Variants in FSTL4 observed in about 807,000 individuals in gnomAD.
FSTL4 encodes the protein follistatin like 4.
A neutral mutation model predicts 78.2 loss-of-function variants in FSTL4; 28 were observed. That is an observed-to-expected ratio of 0.36 (90% CI 0.27 to 0.49). The LOEUF (loss-of-function observed/expected upper bound fraction) is 0.49, where lower values mean the gene tolerates loss of function less well. FSTL4 is among the 20% of genes least tolerant of loss of function. The pLI, the probability that FSTL4 is intolerant of heterozygous loss-of-function variation, is 0.98. For missense variants in FSTL4, 922 were observed against 1,084.9 expected (o/e 0.85, Z 2.11); for synonymous variants, 422 against 440.5 (o/e 0.96, Z 0.53).
chr5:133,803,405 C>T, the FSTL4 span, among the ~76,000 whole-genome samples: 80 of 152,248 alleles, frequency 5.3e-4, 1 homozygote, highest in Middle Eastern at 3.4e-3. Flanking sequence ...AGTTGGGCCC[C>T]GCCTCTATAC....
At chr5:133,297,978 C>T (rs1190596685) in intron 6 of FSTL4, among the ~76,000 whole-genome samples, 7 of 152,152 alleles carry the variant, frequency 4.6e-5, no homozygotes, top group Admixed American at 3.3e-4. Flanking sequence ...AGGGGTCTCC[C>T]GAAACAGACG....
intron 4 of FSTL4, among the ~76,000 whole-genome samples, chr5:133,396,832 G>A (rs963378206): frequency 6.6e-6 from 1 of 152,158 alleles, no homozygotes; most frequent in African/African-American, 2.4e-5. Flanking sequence ...AAGAAAAAAA[G>A]ATTTCTTAGT....
the FSTL4 span, among the ~76,000 whole-genome samples, chr5:133,745,144 G>A: frequency 6.6e-6 from 1 of 152,226 alleles, no homozygotes; most frequent in Non-Finnish European, 1.5e-5. Context: ...CTCACTGCTA[G>A]CCCATCCTGC....
chr5:133,484,287 T>C (rs1056167136), intron 3 of FSTL4, among the ~76,000 whole-genome samples: 1 of 152,226 alleles, frequency 6.6e-6, no homozygotes, highest in Non-Finnish European at 1.5e-5. Context: ...CAGCATTTCA[T>C]TGAAAGGCTT....
At chr5:133,419,505 G>A (rs942369229) in intron 3 of FSTL4, among the ~76,000 whole-genome samples, 2 of 152,140 alleles carry the variant, frequency 1.3e-5, no homozygotes, top group Non-Finnish European at 2.9e-5. Flanking sequence ...TGGACATTTG[G>A]GTTGATTCTA....
chr5:133,752,190 G>A, the FSTL4 span, among the ~76,000 whole-genome samples: 5 of 152,342 alleles, frequency 3.3e-5, no homozygotes, highest in East Asian at 5.8e-4. Context: ...ATCCTTGGTT[G>A]TGGGCCTCAT....
At chr5:133,261,994 CAAAA>C (rs35169871) in intron 6 of FSTL4, among the ~76,000 whole-genome samples, 1 of 110,922 alleles carries the variant, frequency 9.0e-6, no homozygotes. Context: ...GACCTAGTCT[CAAAA>C]AAAAAAAAAA....
chr5:133,580,957 A>G (rs1281719884), intron 2 of FSTL4, among the ~76,000 whole-genome samples: 12 of 152,082 alleles, frequency 7.9e-5, no homozygotes, highest in Admixed American at 7.9e-4. Flanking sequence ...ACCCACACTC[A>G]TGAACCTCCA....
intron 4 of FSTL4, among the ~76,000 whole-genome samples, chr5:133,382,022 T>G (rs959358599): frequency 1.3e-5 from 2 of 152,202 alleles, no homozygotes; most frequent in Admixed American, 1.3e-4. Flanking sequence ...GGGGTTTTAC[T>G]CCCTCTTCAC....
chr5:133,380,950 G>A (rs893501344), intron 4 of FSTL4, among the ~76,000 whole-genome samples: 8 of 152,064 alleles, frequency 5.3e-5, no homozygotes, highest in South Asian at 2.1e-4. Flanking sequence ...ATCAATTACC[G>A]TAATAAACAA....
At chr5:133,539,180 C>A (rs1759417371) in intron 3 of FSTL4, among the ~76,000 whole-genome samples, 1 of 151,560 alleles carries the variant, frequency 6.6e-6, no homozygotes, top group African/African-American at 2.4e-5. Flanking sequence ...GAAGAAAGGT[C>A]AAATTCATGT....
intron 3 of FSTL4, among the ~76,000 whole-genome samples, chr5:133,554,097 G>C (rs569150257): frequency 6.6e-6 from 1 of 152,342 alleles, no homozygotes; most frequent in African/African-American, 2.4e-5. Flanking sequence ...TGGATCATTT[G>C]GATGATTCCA....
intron 2 of FSTL4, among the ~76,000 whole-genome samples, chr5:133,592,931 T>C (rs1462403544): frequency 1.3e-5 from 2 of 152,126 alleles, no homozygotes; most frequent in Non-Finnish European, 2.9e-5. Flanking sequence ...TATTCCTTTA[T>C]AGCAACACTA....
intron 6 of FSTL4, among the ~76,000 whole-genome samples, chr5:133,307,993 G>C (rs535669494): frequency 6.6e-6 from 1 of 152,268 alleles, no homozygotes; most frequent in Non-Finnish European, 1.5e-5. Flanking sequence ...TGTTAGCCAG[G>C]ATGGTCTGGA....
intron 3 of FSTL4, among the ~76,000 whole-genome samples, chr5:133,422,028 G>A (rs145834000): frequency 7.2e-4 from 110 of 152,312 alleles, no homozygotes; most frequent in Middle Eastern, 3.4e-3. Context: ...TTTCAGCATG[G>A]AGTGAGGGAA....
intron 7 of FSTL4, among the ~76,000 whole-genome samples, chr5:133,240,539 TG>T (rs1371637927): frequency 3.9e-5 from 6 of 152,148 alleles, no homozygotes; most frequent in Admixed American, 6.5e-5. Flanking sequence ...GAAGCCACTG[TG>T]GGGAGAGCAC....
chr5:133,478,410 C>A (rs1056329063), intron 3 of FSTL4, among the ~76,000 whole-genome samples: 2 of 152,192 alleles, frequency 1.3e-5, no homozygotes, highest in Non-Finnish European at 2.9e-5. Context: ...CGGGTTCAGA[C>A]CACAGGAAGG....
intron 2 of FSTL4, chr5:133,575,427 T>C (rs933184156): frequency 3.9e-5 from 4 of 102,314 alleles, no homozygotes; most frequent in Non-Finnish European, 6.0e-5. Flanking sequence ...CATAGAGTAG[T>C]TGTGATGATC....
At chr5:133,409,911 A>T (rs1444966314) in intron 3 of FSTL4, among the ~76,000 whole-genome samples, 1 of 152,166 alleles carries the variant, frequency 6.6e-6, no homozygotes, top group East Asian at 1.9e-4. Context: ...TGCAACCCTC[A>T]GTTTCCTCGT....
Sources: allele counts gnomAD v4.1 joint callset (sites outside exome capture counted in the v4.1 genomes callset), GRCh38; gene constraint gnomAD v4.1.1; transcripts MANE v1.5; gene names NCBI Gene and HGNC (gene_info 2026-07-23, HGNC 2026-07-21).